The following CACNA1D variants were observed in gnomAD, a reference collection of about 807,000 sequenced individuals.
CACNA1D encodes calcium voltage-gated channel subunit alpha1 D.
A neutral mutation model predicts 257.1 loss-of-function variants in CACNA1D; 55 were observed. The ratio of observed to expected loss-of-function variants is 0.21; its 90% CI spans 0.17 to 0.27. CACNA1D has a LOEUF of 0.27. Ranked by LOEUF, CACNA1D falls within the 10% of genes least tolerant of loss-of-function variation. CACNA1D has a pLI of 1.00. For missense variants in CACNA1D, 1,876 were observed against 2,784.0 expected (o/e 0.67, Z 7.34); for synonymous variants, 980 against 1,014.9 (o/e 0.97, Z 0.65).
intron 3 of CACNA1D, among the ~76,000 whole-genome samples, chr3:53,534,739 CATGAACTGTAGTTGGCATA>C (rs1475450436): frequency 6.6e-6 from 1 of 152,206 alleles, no homozygotes; most frequent in African/African-American, 2.4e-5. Context: ...TCCTCTAAAT[CATGAACTGTAGTTGGCATA>C]ATTAAATATG....
chr3:53,552,177 G>A (rs970153528), intron 3 of CACNA1D, among the ~76,000 whole-genome samples: 2 of 152,144 alleles, frequency 1.3e-5, no homozygotes, highest in Admixed American at 1.3e-4. Flanking sequence ...GGGGCTGTAT[G>A]CTTGAGGCAT....
At chr3:53,532,049 A>T (rs1026872151) in intron 3 of CACNA1D, among the ~76,000 whole-genome samples, 2 of 152,210 alleles carry the variant, frequency 1.3e-5, no homozygotes, top group Non-Finnish European at 2.9e-5. Context: ...CTTAACAGGT[A>T]GGGTAATGTT....
chr3:53,572,401 T>C (rs1346977142), intron 3 of CACNA1D, among the ~76,000 whole-genome samples: 2 of 151,346 alleles, frequency 1.3e-5, no homozygotes, highest in Admixed American at 1.3e-4. Flanking sequence ...TTTATTTATT[T>C]ATTTATTTAT....
intron 3 of CACNA1D, among the ~76,000 whole-genome samples, chr3:53,650,476 A>G (rs1223239915): frequency 6.6e-6 from 1 of 152,266 alleles, no homozygotes; most frequent in Non-Finnish European, 1.5e-5. Context: ...GCAAATAACA[A>G]ACATGCCTGT....
chr3:53,790,397 CTCTT>C (rs2109137912), intron 40 of CACNA1D, among the ~76,000 whole-genome samples: 1 of 152,366 alleles, frequency 6.6e-6, no homozygotes, highest in East Asian at 1.9e-4. Context: ...TTGTTCATTT[CTCTT>C]TCTTTTAACA....
chr3:53,524,136 G>C (rs575397204), intron 3 of CACNA1D, among the ~76,000 whole-genome samples: 3 of 152,302 alleles, frequency 2.0e-5, no homozygotes, highest in African/African-American at 7.2e-5. Context: ...AGGGGAGGAT[G>C]GGGGGAAGGT....
chr3:53,674,232 T>C (rs2094352343), intron 8 of CACNA1D, among the ~76,000 whole-genome samples: 1 of 152,202 alleles, frequency 6.6e-6, no homozygotes, highest in Non-Finnish European at 1.5e-5. Flanking sequence ...CCACAGTGCA[T>C]TATAAATACT....
In CACNA1D at chr3:53,793,112, C is replaced by G. The variant is rs1215089239; in HGVS notation, c.4923+6160C>G. Among the ~76,000 whole-genome samples, 1 of 152,218 alleles carries G rather than the reference C, an allele frequency of 6.6e-6. No individual in the cohort carries two copies. Among genetic ancestry groups the G allele is most frequent in the Non-Finnish European group, 1.5e-5 (1 of 68,034 alleles). On this transcript the variant is annotated intron_variant, in intron 40 of 47. Transcript: ENST00000350061. This position sits in a 1 kb window ranked among gnomAD's most constrained non-coding sequence, Gnocchi z 4.1. Reference sequence around the variant, plus strand: ...GCACCTGGTATCAACCGCTGTTACCCTAGCACCTGAGTCTCCTTCCCCACT... The same window carrying G: ...GCACCTGGTATCAACCGCTGTTACCGTAGCACCTGAGTCTCCTTCCCCACT...
intron 8 of CACNA1D, among the ~76,000 whole-genome samples, chr3:53,682,472 G>A (rs888173553): frequency 1.3e-5 from 2 of 149,838 alleles, no homozygotes; most frequent in South Asian, 2.1e-4. Flanking sequence ...CAGGAGGATC[G>A]CTTGAGCCTA....
intron 3 of CACNA1D, among the ~76,000 whole-genome samples, chr3:53,521,694 T>C (rs1218406717): frequency 1.3e-5 from 2 of 152,152 alleles, no homozygotes; most frequent in African/African-American, 4.8e-5. Context: ...AAGAGTCATG[T>C]TAGAAATTTT....
chr3:53,776,095 C>T lies in CACNA1D; in HGVS notation c.4362+50C>T, dbSNP rs376663595. ...TCTCAATTTACAGATGCTTATGTAGCAGTCAGCGTTCACACAAATGGCCTT... is the reference window on the plus strand; with the variant it reads ...TCTCAATTTACAGATGCTTATGTAGTAGTCAGCGTTCACACAAATGGCCTT... On this transcript the variant is annotated intron_variant, in intron 35 of 47. Transcript: ENST00000350061. 15 of 1,540,114 alleles carry T rather than the reference C, an allele frequency of 9.7e-6. 1 individual carries two copies. The highest frequency in any genetic ancestry group is 2.7e-5 in the African/African-American group (2 of 73,496).
In CACNA1D at chr3:53,751,255, G is replaced by C. The variant is rs1012882475; in HGVS notation, c.3517-494G>C. Among the ~76,000 whole-genome samples the C allele has an allele frequency of 6.6e-6, 1 of 152,234 alleles. No homozygotes were observed. The highest frequency in any genetic ancestry group is 2.4e-5 in the African/African-American group (1 of 41,468). ...CATCCAGGAGGCTACTAGTCTTGGGGAATGAGCCAGCCCCTCTCGTTCTTG... is the reference window on the plus strand; with the variant it reads ...CATCCAGGAGGCTACTAGTCTTGGGCAATGAGCCAGCCCCTCTCGTTCTTG... On this transcript the variant is annotated intron_variant, in intron 27 of 47. Coordinates refer to ENST00000350061, the MANE Select transcript of CACNA1D (RefSeq NM_001128840.3). This position sits in a 1 kb window ranked among gnomAD's most constrained non-coding sequence, Gnocchi z 4.3.
At chr3:53,710,055 T>C (rs1445891354) in intron 9 of CACNA1D, among the ~76,000 whole-genome samples, 1 of 152,204 alleles carries the variant, frequency 6.6e-6, no homozygotes, top group African/African-American at 2.4e-5. Context: ...ACATATCCAG[T>C]CTGTACAGGG....
intron 5 of CACNA1D, among the ~76,000 whole-genome samples, chr3:53,662,872 A>G (rs1435692678): frequency 6.6e-6 from 1 of 152,228 alleles, no homozygotes; most frequent in East Asian, 1.9e-4. Context: ...TAGAAGAGCT[A>G]ACTGCTGGGG....
At chr3:53,638,199 C>T (rs1368572984) in intron 3 of CACNA1D, among the ~76,000 whole-genome samples, 1 of 152,118 alleles carries the variant, frequency 6.6e-6, no homozygotes, top group Non-Finnish European at 1.5e-5. Context: ...GGATCTGGGC[C>T]CTCTTTCACC....
chr3:53,723,388 T>C lies in CACNA1D; in HGVS notation c.1667-46T>C, dbSNP rs554796029. On this transcript the variant is annotated intron_variant, in intron 12 of 47. Transcript: ENST00000350061. The surrounding 1 kb of genome is among the most constrained non-coding windows in gnomAD (Gnocchi z 5.6). ...GTGTGAGGGGCACGAGCAGTCTGAGTGTCTTGCAGGAGACCCTGAGGATGG... is the reference window on the plus strand; with the variant it reads ...GTGTGAGGGGCACGAGCAGTCTGAGCGTCTTGCAGGAGACCCTGAGGATGG... The C allele has an allele frequency of 5.0e-6, 7 of 1,407,684 alleles. No individual in the cohort carries two copies. The Admixed American group carries it at 1.2e-4, about 24-fold the overall frequency. 87.2% of individuals were successfully genotyped at this position (1,407,684 alleles called of 1,614,324 possible).
rs115254981 is a variant in CACNA1D, at chr3:53,722,633, C to T, written c.1666+159C>T. ...CATCCAGACACAGCAACTACCAGAG[C>T]GAGGGTGCCATCTGTGCCGCGTGGT... On this transcript the variant is annotated intron_variant, in intron 12 of 47. Transcript: ENST00000350061. 0.011 allele frequency among the ~76,000 whole-genome samples: 1,606 copies of T among 152,296 alleles called. 33 individuals are homozygous for T. The highest frequency in any genetic ancestry group is 0.036 in the African/African-American group (1,483 of 41,548).
chr3:53,522,080 G>A (rs2091600527), intron 3 of CACNA1D, among the ~76,000 whole-genome samples: 1 of 152,104 alleles, frequency 6.6e-6, no homozygotes, highest in African/African-American at 2.4e-5. Context: ...AAGTTGCAGT[G>A]ATTTGTGATC....
At position 53,524,592 on chromosome 3, in the gene CACNA1D, G is replaced by A. The variant is rs566090216; in HGVS notation, c.483+22872G>A. Among the ~76,000 whole-genome samples, 7 of 152,332 alleles carry A rather than the reference G, an allele frequency of 4.6e-5. No homozygotes were observed. The South Asian group carries it at 1.4e-3, about 32-fold the overall frequency. ...CTCTAGGGATGAGATGATGGAGCAG[G>A]GATGTGACATAGGTCAGGGGTACAT... On this transcript the variant is annotated intron_variant, in intron 3 of 47. Transcript: ENST00000350061.
Sources: gnomAD v4.1 joint callset for allele counts (sites outside exome capture counted in the v4.1 genomes callset) on GRCh38, gnomAD v4.1.1 for gene constraint, Gnocchi (gnomAD v3.1) non-coding constraint, MANE v1.5 for transcripts, NCBI Gene and HGNC (gene_info 2026-07-23, HGNC 2026-07-21) for gene names.